Variants in STK4 observed in about 807,000 individuals in gnomAD.
STK4 encodes serine/threonine-protein kinase 4.
STK4 carries 30 observed loss-of-function variants against 64.9 expected under a neutral mutation model. The observed-to-expected ratio is 0.46, with a 90% CI of 0.35 to 0.63. The LOEUF is 0.63. Among genes scored for constraint, STK4 ranks in the 20% least tolerant of loss-of-function variants. The pLI is 0.01. For missense variants in STK4, 466 were observed against 598.5 expected, an observed-to-expected ratio of 0.78 and a Z score of 2.31; for synonymous variants, 177 against 199.0, an observed-to-expected ratio of 0.89 and a Z score of 0.93.
intron 9 of STK4, among the ~76,000 whole-genome samples, chr20:45,013,933 G>A (rs2068096191): frequency 6.6e-6 from 1 of 151,912 alleles, no homozygotes; most frequent in Non-Finnish European, 1.5e-5. Context: ...AATACAATTG[G>A]TAGTACTGTG....
In STK4 at chr20:45,075,241, T is replaced by C; in HGVS notation, c.*65T>C. 1 of 1,570,356 alleles carries C rather than the reference T, an allele frequency of 6.4e-7. No homozygotes were observed. The highest frequency in any genetic ancestry group is 8.6e-7 in the Non-Finnish European group (1 of 1,159,788). ...TTGGGTGAATTCTGGATGGCTTGCC[T>C]CATGTTTGTTAGCCAGCACTTCTGC... On this transcript the variant is annotated 3_prime_UTR_variant, in exon 11 of 11. Transcript: ENST00000372806.
At chr20:45,035,315 A>G (rs1408916563) in intron 10 of STK4, among the ~76,000 whole-genome samples, 1 of 152,214 alleles carries the variant, frequency 6.6e-6, no homozygotes, top group Non-Finnish European at 1.5e-5. Context: ...TAAAAGAAAT[A>G]AATAGAGCAA....
At chr20:45,008,504 A>G (rs1389102501) in intron 9 of STK4, among the ~76,000 whole-genome samples, 1 of 152,148 alleles carries the variant, frequency 6.6e-6, no homozygotes, top group African/African-American at 2.4e-5. Flanking sequence ...GTGGTGGTCA[A>G]CTCATCGTAT....
At chr20:44,985,272 A>G (rs2067512522) in intron 4 of STK4, among the ~76,000 whole-genome samples, 1 of 152,192 alleles carries the variant, frequency 6.6e-6, no homozygotes, top group Non-Finnish European at 1.5e-5. Context: ...TACCTCATTT[A>G]GTTGTTATAA....
intron 4 of STK4, among the ~76,000 whole-genome samples, chr20:44,986,634 G>A (rs2145664210): frequency 6.6e-6 from 1 of 152,270 alleles, no homozygotes; most frequent in South Asian, 2.1e-4. Flanking sequence ...GAAGCCAGTC[G>A]GGAGATTATG....
At chr20:44,969,126 C>T (rs923628479) in intron 1 of STK4, among the ~76,000 whole-genome samples, 1 of 152,160 alleles carries the variant, frequency 6.6e-6, no homozygotes, top group Non-Finnish European at 1.5e-5. Flanking sequence ...CTCATTTTAT[C>T]TTAATTACCT....
At chr20:45,031,513 C>T (rs1243908157) in intron 10 of STK4, among the ~76,000 whole-genome samples, 3 of 151,688 alleles carry the variant, frequency 2.0e-5, no homozygotes, top group East Asian at 1.9e-4. Context: ...AGAGATGTAA[C>T]GGAAAGAAAA....
chr20:44,984,157 C>CT (rs1272874132), intron 4 of STK4, among the ~76,000 whole-genome samples: 1 of 135,950 alleles, frequency 7.4e-6, no homozygotes, highest in African/African-American at 2.7e-5. Flanking sequence ...AACTTAATTA[C>CT]TAAGTGCTGG....
intron 4 of STK4, among the ~76,000 whole-genome samples, chr20:44,984,646 T>G (rs1183607546): frequency 6.6e-6 from 1 of 152,192 alleles, no homozygotes; most frequent in Non-Finnish European, 1.5e-5. Context: ...AAATATAAAT[T>G]ATACACCAGA....
At position 45,053,919 on chromosome 20, in the gene STK4, T is replaced by C. The variant is rs6031957; in HGVS notation, c.1306-21099T>C. Reference sequence around the variant, plus strand: ...TTTTTTTTGTTTTTTGTTTTTTTTTTCAGCCAAAATTTGTCCCCAGGGAAC... The same window carrying C: ...TTTTTTTTGTTTTTTGTTTTTTTTTCCAGCCAAAATTTGTCCCCAGGGAAC... On this transcript the variant is annotated intron_variant, in intron 10 of 10. Transcript: ENST00000372806. Among the ~76,000 whole-genome samples, 673 of 152,140 alleles carry C rather than the reference T, an allele frequency of 4.4e-3. 17 individuals are homozygous for C. Among genetic ancestry groups the C allele is most frequent in the Admixed American group, 0.03 (465 of 15,294 alleles).
chr20:44,988,054 T>C (rs1331721817), intron 5 of STK4, among the ~76,000 whole-genome samples: 1 of 152,012 alleles, frequency 6.6e-6, no homozygotes, highest in South Asian at 2.1e-4. Context: ...AGAAATTGCT[T>C]TGATGTTTAA....
chr20:45,006,822 GGC>G lies in STK4; in HGVS notation c.1147+5470_1147+5471del, dbSNP rs1401289288. On this transcript the variant is annotated intron_variant, in intron 9 of 10. Coordinates refer to ENST00000372806, the MANE Select transcript of STK4 (RefSeq NM_006282.5). ...TTAAGCTTCTGGGCAGTATTGTCCT[GGC>G]TCCTATCTTTATGCTGGGAATTGAG... is the stretch of plus-strand genomic sequence containing the variant. Among the ~76,000 whole-genome samples the G allele has an allele frequency of 3.3e-5, 5 of 152,230 alleles. No homozygotes were observed. In the East Asian group the frequency reaches 9.7e-4, roughly 29 times the overall value.
At chr20:45,053,202 C>G in intron 10 of STK4, 1 of 1,590,148 alleles carries the variant, frequency 6.3e-7, no homozygotes. Context: ...TCATCTTTGT[C>G]TCAGAACCAC....
intron 10 of STK4, among the ~76,000 whole-genome samples, chr20:45,054,977 G>C (rs1978345132): frequency 6.6e-6 from 1 of 151,964 alleles, no homozygotes; most frequent in Admixed American, 6.6e-5. Flanking sequence ...GACTACCCTT[G>C]GTATTCATTT....
chr20:45,019,048 G>A (rs2068196024), intron 9 of STK4, among the ~76,000 whole-genome samples: 1 of 152,110 alleles, frequency 6.6e-6, no homozygotes, highest in Non-Finnish European at 1.5e-5. Context: ...TTTAAATTGA[G>A]ATATAATTTA....
intron 9 of STK4, among the ~76,000 whole-genome samples, chr20:45,002,214 G>A (rs886960481): frequency 7.9e-5 from 12 of 152,140 alleles, no homozygotes; most frequent in Non-Finnish European, 1.6e-4. Context: ...GATTATAACC[G>A]CTGTGTAATA....
chr20:45,045,642 C>T (rs1398783659), intron 10 of STK4, among the ~76,000 whole-genome samples: 4 of 152,002 alleles, frequency 2.6e-5, no homozygotes, highest in African/African-American at 4.8e-5. Context: ...TTATTGAGAA[C>T]ACAATGCAGA....
intron 10 of STK4, among the ~76,000 whole-genome samples, chr20:45,072,136 G>A (rs1460403012): frequency 6.6e-6 from 1 of 152,112 alleles, no homozygotes; most frequent in Non-Finnish European, 1.5e-5. Flanking sequence ...TTTGGACTGG[G>A]GCTCAGGAAT....
At chr20:45,030,448 T>C (rs2068424551) in intron 10 of STK4, among the ~76,000 whole-genome samples, 1 of 152,176 alleles carries the variant, frequency 6.6e-6, no homozygotes, top group African/African-American at 2.4e-5. Flanking sequence ...AGGCAGATAG[T>C]ATTTAATTAT....
Sources: allele counts gnomAD v4.1 joint callset (sites outside exome capture counted in the v4.1 genomes callset), GRCh38; gene constraint gnomAD v4.1.1; transcripts MANE v1.5; gene names NCBI Gene and HGNC (gene_info 2026-07-23, HGNC 2026-07-21).